CPE: variants seen among roughly 807,000 people sequenced by gnomAD.
CPE encodes carboxypeptidase E.
A neutral mutation model predicts 53.5 loss-of-function variants in CPE; 17 were observed. That is an observed-to-expected ratio of 0.32 (90% CI 0.22 to 0.48). CPE has a LOEUF of 0.48. CPE is among the 20% of genes least tolerant of loss of function. CPE has a pLI of 0.99. For missense variants in CPE, 524 were observed against 614.7 expected (o/e 0.85, Z 1.56); for synonymous variants, 226 against 228.8 (o/e 0.99, Z 0.11).
intron 1 of CPE, among the ~76,000 whole-genome samples, chr4:165,455,875 A>G (rs1483363970): frequency 6.6e-6 from 1 of 151,968 alleles, no homozygotes; most frequent in Non-Finnish European, 1.5e-5. Flanking sequence ...CTGGTGTGGA[A>G]CTCCTGACCT....
At position 165,479,134 on chromosome 4, in the gene CPE, G is replaced by C. The variant is rs76330839; in HGVS notation, c.673-3108G>C. On this transcript the variant is annotated intron_variant, in intron 3 of 8. Transcript: ENST00000402744. Reference sequence around the variant, plus strand: ...AACTTTTGAATAGAATATTATAGAAGAGTGTGTTAAACTCATCTCATATAA... The same window carrying C: ...AACTTTTGAATAGAATATTATAGAACAGTGTGTTAAACTCATCTCATATAA... 2.9e-3 allele frequency among the ~76,000 whole-genome samples: 445 copies of C among 152,296 alleles called. 2 individuals carry two copies. Among genetic ancestry groups the C allele is most frequent in the African/African-American group, 9.9e-3 (411 of 41,552 alleles).
chr4:165,423,888 G>A (rs1223885748), intron 1 of CPE, among the ~76,000 whole-genome samples: 1 of 146,198 alleles, frequency 6.8e-6, no homozygotes, highest in Admixed American at 7.1e-5. Flanking sequence ...GTGAGAATAT[G>A]CGGTGTTTGG....
chr4:165,459,684 C>G (rs7654292), intron 1 of CPE, among the ~76,000 whole-genome samples: 3,206 of 85,742 alleles, frequency 0.037, 88 homozygotes, highest in African/African-American at 0.068. Flanking sequence ...TGGGGGGGGG[C>G]GGGGCAGATC....
chr4:165,464,791 T>G (rs993063120), intron 2 of CPE, among the ~76,000 whole-genome samples: 1 of 152,262 alleles, frequency 6.6e-6, no homozygotes, highest in Non-Finnish European at 1.5e-5. Context: ...CAGTGAAGAC[T>G]GCAAATCAGA....
chr4:165,456,088 G>A (rs1731896685), intron 1 of CPE, among the ~76,000 whole-genome samples: 1 of 152,114 alleles, frequency 6.6e-6, no homozygotes, highest in African/African-American at 2.4e-5. Context: ...TATATGAATG[G>A]GAATGGAAAT....
rs1210518714 is a variant in CPE at position 165,379,297 on chromosome 4, G to A, written c.76G>A (p.Glu26Lys). ...TGCCTGCGGGTGGCTCCTGGGCGCC[G>A]AAGCCCAGGAGCCCGGGGCGCCCGC... ...LAACGWLLGA[E>K]AQEPGAPAAG... Residue 26 changes from glutamate (E) to lysine (K), a missense_variant, in exon 1 of 9, where the codon GAA (glutamate) becomes AAA (lysine). Coordinates refer to ENST00000402744, the MANE Select transcript of CPE (RefSeq NM_001873.4). The surrounding 1 kb of genome is among the most constrained non-coding windows in gnomAD (Gnocchi z 6.0). The A allele has an allele frequency of 3.3e-6, 5 of 1,523,082 alleles. No individual in the cohort carries two copies. In the Admixed American group the frequency reaches 8.5e-5, roughly 26 times the overall value. The allele number at this position is 1,523,082 out of a possible 1,614,324, so 94.3% of individuals were successfully genotyped here.
chr4:165,418,195 A>G (rs1731156670), intron 1 of CPE: 1 of 152,258 alleles, frequency 6.6e-6, no homozygotes, highest in African/African-American at 2.4e-5. Context: ...CAGCCCACTG[A>G]TTGACATTCA....
intron 3 of CPE, among the ~76,000 whole-genome samples, chr4:165,471,328 A>G (rs1732202753): frequency 6.6e-6 from 1 of 152,226 alleles, no homozygotes. Flanking sequence ...GGTTAGTCTA[A>G]ATTGCAGACA....
intron 1 of CPE, among the ~76,000 whole-genome samples, chr4:165,384,680 C>G (rs1730559950): frequency 6.6e-6 from 1 of 152,134 alleles, no homozygotes; most frequent in African/African-American, 2.4e-5. Context: ...GTTACACTTC[C>G]ATTAGCCCAT....
intron 1 of CPE, among the ~76,000 whole-genome samples, chr4:165,399,625 G>A (rs1225673046): frequency 6.6e-6 from 1 of 152,146 alleles, no homozygotes; most frequent in African/African-American, 2.4e-5. Context: ...ACATGCCTTG[G>A]CCTCCCAAAG....
intron 1 of CPE, among the ~76,000 whole-genome samples, chr4:165,430,305 G>A (rs1314815170): frequency 1.3e-5 from 2 of 152,016 alleles, no homozygotes; most frequent in Non-Finnish European, 2.9e-5. Flanking sequence ...TGTCACTTTG[G>A]GAAATTTGCA....
At chr4:165,488,623 A>C (rs1732548695) in intron 6 of CPE, among the ~76,000 whole-genome samples, 1 of 152,246 alleles carries the variant, frequency 6.6e-6, no homozygotes, top group Non-Finnish European at 1.5e-5. Context: ...ATGTGCCAAC[A>C]AATAGTCCAG....
At chr4:165,497,273 T>C (rs1302191008) in intron 8 of CPE, among the ~76,000 whole-genome samples, 1 of 152,196 alleles carries the variant, frequency 6.6e-6, no homozygotes, top group Non-Finnish European at 1.5e-5. Context: ...TGTTGAATTA[T>C]ATCTGTCTTC....
At chr4:165,392,134 A>C (rs1447599597) in intron 1 of CPE, among the ~76,000 whole-genome samples, 3 of 150,534 alleles carry the variant, frequency 2.0e-5, no homozygotes, top group Non-Finnish European at 3.0e-5. Flanking sequence ...GATTTCCCTC[A>C]TCAAGACGGT....
intron 1 of CPE, among the ~76,000 whole-genome samples, chr4:165,431,644 T>A (rs1420184704): frequency 6.6e-6 from 1 of 152,174 alleles, no homozygotes; most frequent in Non-Finnish European, 1.5e-5. Flanking sequence ...GTGGACAGAT[T>A]CTGGTTTTTT....
intron 1 of CPE, among the ~76,000 whole-genome samples, chr4:165,424,129 T>A (rs1731276573): frequency 1.3e-5 from 2 of 152,134 alleles, no homozygotes; most frequent in South Asian, 2.1e-4. Flanking sequence ...TGCTGCATTT[T>A]TTTTTAGTTA....
At chr4:165,445,855 C>A (rs7664597) in intron 1 of CPE, among the ~76,000 whole-genome samples, 28,081 of 151,910 alleles carry the variant, frequency 0.18, 2,825 homozygotes, top group African/African-American at 0.28. Flanking sequence ...GTCCTACTGG[C>A]TATTAATACA....
At chr4:165,390,435 C>G (rs1255221862) in intron 1 of CPE, among the ~76,000 whole-genome samples, 1 of 152,144 alleles carries the variant, frequency 6.6e-6, no homozygotes, top group Non-Finnish European at 1.5e-5. Context: ...TTTTTGCCGC[C>G]ATTTCTTGAT....
intron 1 of CPE, among the ~76,000 whole-genome samples, chr4:165,445,188 T>C (rs1255514460): frequency 2.0e-5 from 3 of 152,216 alleles, no homozygotes; most frequent in Non-Finnish European, 2.9e-5. Context: ...ACTCATGACC[T>C]CATGTGATCT....
Sources: gnomAD v4.1 joint callset for allele counts (sites outside exome capture counted in the v4.1 genomes callset) on GRCh38, gnomAD v4.1.1 for gene constraint, Gnocchi (gnomAD v3.1) non-coding constraint, MANE v1.5 for transcripts, NCBI Gene and HGNC (gene_info 2026-07-23, HGNC 2026-07-21) for gene names.